The following SLIT1 variants were observed in gnomAD, a reference collection of about 807,000 sequenced individuals.
SLIT1 encodes slit guidance ligand 1, also known as slit homolog 1 protein.
A neutral mutation model predicts 186.1 loss-of-function variants in SLIT1; 66 were observed. That is an observed-to-expected ratio of 0.35 (90% confidence interval 0.29 to 0.44). The LOEUF (loss-of-function observed/expected upper bound fraction) is 0.44. Among genes scored for constraint, SLIT1 ranks in the 20% least tolerant of loss-of-function variants. The probability of loss-of-function intolerance (pLI) is 1.00; values close to 1 mark genes in which losing one functional copy is unlikely to be tolerated. For synonymous variants in SLIT1, 761 were observed against 833.8 expected (o/e 0.91, Z 1.50); for missense variants, 1,638 against 2,037.4 (o/e 0.80, Z 3.77).
At chr10:97,122,105 C>T (rs1184108032) in intron 4 of SLIT1, among the ~76,000 whole-genome samples, 1 of 152,136 alleles carries the variant, frequency 6.6e-6, no homozygotes, top group Admixed American at 6.5e-5. Flanking sequence ...TTCTCCAGCT[C>T]CCTCGTGAGG....
intron 1 of SLIT1, among the ~76,000 whole-genome samples, chr10:97,166,091 C>T (rs1332348556): frequency 6.6e-6 from 1 of 152,130 alleles, no homozygotes; most frequent in African/African-American, 2.4e-5. Context: ...ACACTCACGC[C>T]CCATGTTCAC....
chr10:97,176,620 G>C (rs1850259848), intron 1 of SLIT1, among the ~76,000 whole-genome samples: 3 of 152,144 alleles, frequency 2.0e-5, no homozygotes, highest in Non-Finnish European at 4.4e-5. Flanking sequence ...CACTTTACCA[G>C]TGACCCCGAT....
In SLIT1 at chr10:97,043,201, G is replaced by T; in HGVS notation, c.1998-134C>A. The T allele has an allele frequency of 1.5e-6, 2 of 1,318,390 alleles. No individual in the cohort carries two copies. Among genetic ancestry groups the T allele is most frequent in the Non-Finnish European group, 2.1e-6 (2 of 944,402 alleles). 81.7% of individuals were successfully genotyped at this position (1,318,390 alleles called of 1,614,324 possible). ...CTCCCAGACCACCACCCATCACCAA[G>T]AGGACCGGCTCTGAGGACCGGAGGG... On this transcript the variant is annotated intron_variant, in intron 19 of 36. Transcript: ENST00000266058. The surrounding 1 kb of genome is among the most constrained non-coding windows in gnomAD (Gnocchi z 7.0).
At chr10:97,175,427 G>A (rs1850242695) in intron 1 of SLIT1, among the ~76,000 whole-genome samples, 1 of 152,122 alleles carries the variant, frequency 6.6e-6, no homozygotes, top group Non-Finnish European at 1.5e-5. Context: ...AAATTGCTGG[G>A]TCATATGGTG....
In SLIT1 at chr10:97,040,107, C is replaced by T. The variant is rs1487811453; in HGVS notation, c.2178G>A (p.Gly726=). The change falls in exon 21 of 37, where the codon GGG becomes GGA. Residue 726 remains glycine, a synonymous_variant. Coordinates refer to ENST00000266058, the MANE Select transcript of SLIT1 (RefSeq NM_003061.3). ...GGCACTGTGGGCGGGGCAGGCAGCC[C>T]CCCTCCTCCTGGCCTAGGGAAGAAG... ...DFRCEEGQEE[G]GCLPRPQCPQ... The T allele has an allele frequency of 6.3e-7, 1 of 1,580,606 alleles. No homozygotes were observed. Among genetic ancestry groups the T allele is most frequent in the Non-Finnish European group, 8.6e-7 (1 of 1,164,084 alleles).
At position 97,056,436 on chromosome 10, in the gene SLIT1, T is replaced by C; in HGVS notation, c.1186A>G (p.Ile396Val). ...AGGTCCTGGAAGGCATCGGGCCGGA[T>C]GCAGTTGATCTTGTTGGCATTCAGG... ...LLLNANKINC[I>V]RPDAFQDLQN... Residue 396 changes from isoleucine to valine, a missense_variant, in exon 13 of 37, where the codon ATC becomes GTC. Coordinates refer to ENST00000266058, the MANE Select transcript of SLIT1 (RefSeq NM_003061.3). The C allele has an allele frequency of 6.2e-7, 1 of 1,614,172 alleles. No individual in the cohort carries two copies. The highest frequency in any genetic ancestry group is 1.3e-5 in the African/African-American group (1 of 75,048).
At position 97,079,551 on chromosome 10, in the gene SLIT1, C is replaced by T. The variant is rs139326231; in HGVS notation, c.414-13465G>A. Among the ~76,000 whole-genome samples, 580 of 152,286 alleles carry T rather than the reference C, an allele frequency of 3.8e-3. 5 individuals are homozygous for T. The highest frequency in any genetic ancestry group is 6.8e-3 in the Non-Finnish European group (465 of 68,012). ...CAGTCCCTGCTGGAGGAGACAAATG[C>T]AGAAAAAATCTGCCAAGTGACAAAT... On this transcript the variant is annotated intron_variant, in intron 4 of 36. Transcript: ENST00000266058.
At chr10:97,153,450 T>G (rs530207427) in intron 4 of SLIT1, 1 of 152,266 alleles carries the variant, frequency 6.6e-6, no homozygotes, top group East Asian at 1.9e-4. Context: ...TGAAAGTCCA[T>G]AATTTGCTCC....
chr10:97,046,557 C>T, intron 18 of SLIT1, 97 bp downstream of exon 18: 1 of 1,272,578 alleles, frequency 7.9e-7, no homozygotes, highest in Non-Finnish European at 1.1e-6. Context: ...CAAGCTGGGC[C>T]CAGGGGAGGG....
chr10:97,030,606 AAG>A, intron 25 of SLIT1, 149 bp downstream of exon 25: 1 of 654,134 alleles, frequency 1.5e-6, no homozygotes. Flanking sequence ...CTGGACATAT[AAG>A]AGTCCCAGAA....
Position 97,178,428 on chromosome 10 carries a change from A to G in SLIT1, c.197+7050T>C, listed in dbSNP as rs114960318. 7.0e-3 allele frequency among the ~76,000 whole-genome samples: 1,059 copies of G among 152,352 alleles called. 14 individuals carry two copies. Among genetic ancestry groups the G allele is most frequent in the African/African-American group, 0.024 (1,013 of 41,578 alleles). ...GTTCTGCAAAATAACCGGCCTGCAT[A>G]CATCAATAATGTCCAGGTCAAGGAA... On this transcript the variant is annotated intron_variant, in intron 1 of 36. Coordinates refer to ENST00000266058, the MANE Select transcript of SLIT1 (RefSeq NM_003061.3).
chr10:97,087,887 A>G (rs1849183210), intron 4 of SLIT1, among the ~76,000 whole-genome samples: 2 of 152,140 alleles, frequency 1.3e-5, no homozygotes, highest in South Asian at 4.2e-4. Context: ...CAGGTAAACT[A>G]AAGCCTTGCT....
At chr10:97,150,175 C>T (rs1849861756) in intron 4 of SLIT1, among the ~76,000 whole-genome samples, 1 of 152,148 alleles carries the variant, frequency 6.6e-6, no homozygotes, top group South Asian at 2.1e-4. Context: ...GAGCCCCGTT[C>T]TCGTGTGCTG....
intron 4 of SLIT1, among the ~76,000 whole-genome samples, chr10:97,135,526 C>T (rs1006585193): frequency 6.6e-6 from 1 of 152,152 alleles, no homozygotes; most frequent in South Asian, 2.1e-4. Flanking sequence ...GCAAGCTCAG[C>T]GTCCTGGGAA....
intron 1 of SLIT1, among the ~76,000 whole-genome samples, chr10:97,165,779 C>T (rs973441201): frequency 6.6e-6 from 1 of 152,160 alleles, no homozygotes; most frequent in Non-Finnish European, 1.5e-5. Context: ...ACCCCACCAT[C>T]TGGGTCCTGG....
In SLIT1 at chr10:97,184,205, C is replaced by A. The variant is rs1022162766; in HGVS notation, c.197+1273G>T. 1.3e-5 allele frequency among the ~76,000 whole-genome samples: 2 copies of A among 152,154 alleles called. No homozygotes were observed. Among genetic ancestry groups the A allele is most frequent in the South Asian group, 2.1e-4 (1 of 4,828 alleles). On this transcript the variant is annotated intron_variant, in intron 1 of 36. Transcript: ENST00000266058. The surrounding 1 kb of genome is among the most constrained non-coding windows in gnomAD (Gnocchi z 4.4). ...GTCTGATTCGGGAGACAGCTCTCCTCAGGGTCAGATTTCTGTCTCTGACCA... is the reference window on the plus strand; with the variant it reads ...GTCTGATTCGGGAGACAGCTCTCCTAAGGGTCAGATTTCTGTCTCTGACCA...
At chr10:97,164,512 G>A (rs1051335559) in intron 2 of SLIT1, among the ~76,000 whole-genome samples, 1 of 152,190 alleles carries the variant, frequency 6.6e-6, no homozygotes, top group African/African-American at 2.4e-5. Flanking sequence ...TGACCTCAGA[G>A]ACGATTGGTC....
chr10:97,037,848 A>G, intron 21 of SLIT1, 82 bp from the exon 22 acceptor site: 1 of 1,162,802 alleles, frequency 8.6e-7, no homozygotes, highest in Non-Finnish European at 1.3e-6. Context: ...CCCTGCAGCC[A>G]GGGACTTCGC....
intron 23 of SLIT1, among the ~76,000 whole-genome samples, chr10:97,033,801 G>A (rs943601137): frequency 2.0e-5 from 3 of 152,020 alleles, no homozygotes; most frequent in African/African-American, 7.3e-5. Context: ...CAGCTGCCTT[G>A]GGGTAGGGGA....
Sources: allele counts gnomAD v4.1 joint callset (sites outside exome capture counted in the v4.1 genomes callset), GRCh38; gene constraint gnomAD v4.1.1; non-coding constraint Gnocchi (gnomAD v3.1); transcripts MANE v1.5; gene names NCBI Gene and HGNC (gene_info 2026-07-23, HGNC 2026-07-21).